The following PLEKHB2 variants were observed in gnomAD, a reference collection of about 807,000 sequenced individuals.
The protein encoded by PLEKHB2 is pleckstrin homology domain-containing family B member 2.
In PLEKHB2, 31 loss-of-function variants were observed where a neutral mutation model predicts 36.5. The observed-to-expected ratio is 0.85, with a 90% CI of 0.64 to 1.15. The LOEUF (loss-of-function observed/expected upper bound fraction) is 1.15, where lower values mean the gene tolerates loss of function less well. Among genes scored for constraint, PLEKHB2 ranks in the 50% most tolerant of loss-of-function variants. The pLI is 0.00. For missense variants in PLEKHB2, 262 were observed against 295.3 expected, an observed-to-expected ratio of 0.89 and a Z score of 0.83; for synonymous variants, 119 against 112.0, an observed-to-expected ratio of 1.06 and a Z score of -0.39.
intron 1 of PLEKHB2, among the ~76,000 whole-genome samples, chr2:131,108,483 A>G (rs1694957066): frequency 6.6e-6 from 1 of 152,346 alleles, no homozygotes; most frequent in East Asian, 1.9e-4. Flanking sequence ...GCAATCAAAC[A>G]GAAGTCTTCT....
chr2:131,132,957 C>T lies in PLEKHB2; in HGVS notation c.389C>T (p.Pro130Leu). 2 of 1,614,032 alleles carry T rather than the reference C, an allele frequency of 1.2e-6. No individual in the cohort carries two copies. The highest frequency in any genetic ancestry group is 8.5e-7 in the Non-Finnish European group (1 of 1,179,892). ...TDETSVVSSP[P>L]PYTAYAAPAP... ...GAGACATCCGTGGTTTCCTCACCTC[C>T]ACCATACACGGCCTATGCTGCACCG... is the stretch of plus-strand genomic sequence containing the variant. The change falls in exon 6 of 8, where the codon CCA becomes CTA. Residue 130 changes from proline to leucine, a missense_variant. Physicochemically the swap from Pro to Leu is moderately conservative, Grantham distance 98 (BLOSUM62 -3). Coordinates refer to ENST00000693505, the MANE Select transcript of PLEKHB2 (RefSeq NM_001100623.2).
At chr2:131,114,147 G>C (rs1030430378) in intron 1 of PLEKHB2, among the ~76,000 whole-genome samples, 3 of 152,060 alleles carry the variant, frequency 2.0e-5, no homozygotes, top group Non-Finnish European at 4.4e-5. Context: ...CATTTTAGTT[G>C]CATTTCAGGA....
chr2:131,144,944 A>G (rs1699135182), intron 7 of PLEKHB2, among the ~76,000 whole-genome samples: 1 of 152,268 alleles, frequency 6.6e-6, no homozygotes, highest in South Asian at 2.1e-4. Flanking sequence ...GTAATTCCCT[A>G]GTTTTGAAAT....
At chr2:131,138,221 A>G (rs1698456954) in intron 6 of PLEKHB2, among the ~76,000 whole-genome samples, 2 of 152,044 alleles carry the variant, frequency 1.3e-5, no homozygotes, top group Non-Finnish European at 2.9e-5. Context: ...ATATCTTGAT[A>G]TATAAAAAAT....
At chr2:131,129,571 C>T (rs1358931477) in intron 4 of PLEKHB2, among the ~76,000 whole-genome samples, 1 of 152,136 alleles carries the variant, frequency 6.6e-6, no homozygotes, top group Non-Finnish European at 1.5e-5. Context: ...ATGGTATAAT[C>T]TCCGCTCATT....
intron 1 of PLEKHB2, among the ~76,000 whole-genome samples, chr2:131,116,020 CATAAG>C (rs1381312459): frequency 6.6e-6 from 1 of 152,138 alleles, no homozygotes; most frequent in Non-Finnish European, 1.5e-5. Context: ...GACAGGATGA[CATAAG>C]ATAAGAAGCT....
intron 7 of PLEKHB2, among the ~76,000 whole-genome samples, chr2:131,145,618 A>ACAG (rs1699206747): frequency 2.6e-5 from 4 of 152,164 alleles, no homozygotes; most frequent in African/African-American, 9.7e-5. Context: ...TACAGGTGTG[A>ACAG]GCCATCAAGC....
At chr2:131,138,737 C>G (rs1044996770) in intron 6 of PLEKHB2, among the ~76,000 whole-genome samples, 3 of 152,196 alleles carry the variant, frequency 2.0e-5, no homozygotes, top group African/African-American at 7.2e-5. Context: ...ATGATTGCCA[C>G]TGAGAGGTCC....
chr2:131,137,175 C>A (rs1698350975), intron 6 of PLEKHB2, among the ~76,000 whole-genome samples: 1 of 149,066 alleles, frequency 6.7e-6, no homozygotes, highest in African/African-American at 2.6e-5. Flanking sequence ...TCTCGATCTC[C>A]TGACCTCGTG....
At chr2:131,119,401 C>T (rs1235578818) in intron 1 of PLEKHB2, among the ~76,000 whole-genome samples, 2 of 152,208 alleles carry the variant, frequency 1.3e-5, no homozygotes, top group African/African-American at 4.8e-5. Context: ...TTTAGGATTC[C>T]TCCCAGGAGG....
chr2:131,128,434 T>C (rs1003344063), intron 4 of PLEKHB2, among the ~76,000 whole-genome samples: 1 of 152,186 alleles, frequency 6.6e-6, no homozygotes, highest in Admixed American at 6.5e-5. Flanking sequence ...CAGGAATGCT[T>C]TCCTGGCCAC....
At chr2:131,117,412 C>G (rs1003540992) in intron 1 of PLEKHB2, among the ~76,000 whole-genome samples, 2 of 152,092 alleles carry the variant, frequency 1.3e-5, no homozygotes, top group African/African-American at 2.4e-5. Flanking sequence ...ATGGCACAAA[C>G]AAAGAAACAA....
chr2:131,144,474 A>G, intron 7 of PLEKHB2: 1 of 1,100,922 alleles, frequency 9.1e-7, no homozygotes, highest in Non-Finnish European at 1.2e-6. Flanking sequence ...AGACTTCTAG[A>G]TTTGGGGACT....
intron 1 of PLEKHB2, among the ~76,000 whole-genome samples, chr2:131,106,554 G>C (rs1164014289): frequency 6.6e-6 from 1 of 152,208 alleles, no homozygotes; most frequent in East Asian, 1.9e-4. Flanking sequence ...CAGTGGGTGT[G>C]TCTGCCTAAG....
At chr2:131,144,097 G>A (rs1195274111) in intron 7 of PLEKHB2, among the ~76,000 whole-genome samples, 1 of 152,190 alleles carries the variant, frequency 6.6e-6, no homozygotes, top group Non-Finnish European at 1.5e-5. Flanking sequence ...ACAGCAGCTT[G>A]TGTTGACAAC....
intron 6 of PLEKHB2, among the ~76,000 whole-genome samples, chr2:131,137,726 T>C (rs1698408624): frequency 1.3e-5 from 2 of 152,134 alleles, no homozygotes; most frequent in Admixed American, 1.3e-4. Context: ...TATTCACTTT[T>C]TCTGTCTCTC....
rs1227916290 is a variant in PLEKHB2, at chr2:131,147,856, C to T, written c.*1083C>T. 1.3e-5 allele frequency: 2 copies of T among 151,626 alleles called. No individual in the cohort carries two copies. The highest frequency in any genetic ancestry group is 2.9e-5 in the Non-Finnish European group (2 of 67,984). 9.4% of individuals were successfully genotyped at this position (151,626 alleles called of 1,614,324 possible). A position where few individuals can be genotyped will look rare whatever the true frequency, so the allele number is the denominator to read the frequency against. On this transcript the variant is annotated 3_prime_UTR_variant, in exon 8 of 8. Transcript: ENST00000693505. ...CAATATACAAACAAGTATGTGGAGG[C>T]AGATTTGCTTTATTCCAAGAGGCTG...
chr2:131,140,827 A>G (rs17721890), intron 7 of PLEKHB2, among the ~76,000 whole-genome samples: 5,235 of 152,290 alleles, frequency 0.034, 171 homozygotes, highest in Middle Eastern at 0.071. Context: ...GGTGTGGGAC[A>G]ATGCTGGCCA....
intron 2 of PLEKHB2, among the ~76,000 whole-genome samples, chr2:131,124,845 G>A (rs1031134286): frequency 6.6e-6 from 1 of 151,876 alleles, no homozygotes; most frequent in African/African-American, 2.4e-5. Flanking sequence ...GAGGGCAGTG[G>A]TGCGATCTTG....
Sources: allele counts gnomAD v4.1 joint callset (sites outside exome capture counted in the v4.1 genomes callset), GRCh38; gene constraint gnomAD v4.1.1; transcripts MANE v1.5; gene names NCBI Gene and HGNC (gene_info 2026-07-23, HGNC 2026-07-21).